The following PRKAR1A variants were observed in gnomAD, a reference collection of about 807,000 sequenced individuals.
PRKAR1A encodes the protein cAMP-dependent protein kinase type I-alpha regulatory subunit.
In PRKAR1A, 3 loss-of-function variants were observed where a neutral mutation model predicts 52.0. That is an observed-to-expected ratio of 0.06 (90% confidence interval 0.03 to 0.15). The LOEUF (loss-of-function observed/expected upper bound fraction) is 0.15, where lower values mean the gene tolerates loss of function less well. Ranked by LOEUF, PRKAR1A falls within the 10% of genes least tolerant of loss-of-function variation. The probability of loss-of-function intolerance (pLI) is 1.00; values close to 1 mark genes in which losing one functional copy is unlikely to be tolerated. For missense variants in PRKAR1A, 240 were observed against 477.4 expected (o/e 0.50, Z 4.63); for synonymous variants, 188 against 168.4 (o/e 1.12, Z -0.90).
the PRKAR1A span, among the ~76,000 whole-genome samples, chr17:68,418,671 T>C: frequency 5.3e-5 from 8 of 152,284 alleles, no homozygotes; most frequent in East Asian, 1.5e-3. Flanking sequence ...CCTCATCATA[T>C]AGTAAAGGAT....
chr17:68,429,017 C>T, the PRKAR1A span: 14 of 1,040,886 alleles, frequency 1.3e-5, no homozygotes, highest in Non-Finnish European at 2.0e-5. Context: ...GCCCCCCTCA[C>T]CCTAGCTGTC....
At chr17:68,466,167 C>T in the PRKAR1A span, among the ~76,000 whole-genome samples, 1 of 152,192 alleles carries the variant, frequency 6.6e-6, no homozygotes, top group Non-Finnish European at 1.5e-5. Flanking sequence ...ATAGAACATA[C>T]AGCTCCCTCC....
At chr17:68,540,022 C>T in intron 11 of PRKAR1A, 1 of 1,497,246 alleles carries the variant, frequency 6.7e-7, no homozygotes, top group South Asian at 1.1e-5. Flanking sequence ...ACAGGTGCTC[C>T]TGACCTGAGT....
At chr17:68,435,365 T>C in the PRKAR1A span, among the ~76,000 whole-genome samples, 1 of 152,234 alleles carries the variant, frequency 6.6e-6, no homozygotes, top group Non-Finnish European at 1.5e-5. Flanking sequence ...ACACGTACAT[T>C]TCTTCATAAG....
At chr17:68,463,455 A>G in the PRKAR1A span, among the ~76,000 whole-genome samples, 1,499 of 152,326 alleles carry the variant, frequency 9.8e-3, 23 homozygotes, top group African/African-American at 0.033. Flanking sequence ...TGTGCCGGTC[A>G]TGGCTCCAGG....
At chr17:68,541,041 C>G (rs780564483) in intron 11 of PRKAR1A, 54 of 1,542,088 alleles carry the variant, frequency 3.5e-5, no homozygotes, top group Middle Eastern at 4.6e-4. Context: ...CCCTGCCCCC[C>G]CAATCCCTGC....
chr17:68,517,968 C>T (rs187193308), intron 2 of PRKAR1A, among the ~76,000 whole-genome samples: 14 of 152,266 alleles, frequency 9.2e-5, no homozygotes, highest in Admixed American at 3.9e-4. Context: ...GTATAGACCC[C>T]GTGCAAATCC....
chr17:68,545,047 G>A (rs2086484900), intron 11 of PRKAR1A, among the ~76,000 whole-genome samples: 1 of 152,176 alleles, frequency 6.6e-6, no homozygotes, highest in East Asian at 1.9e-4. Flanking sequence ...ATTTTCCAAA[G>A]TTAAAGTTCT....
the PRKAR1A span, chr17:68,420,551 A>T: frequency 7.0e-7 from 1 of 1,418,474 alleles, no homozygotes; most frequent in Non-Finnish European, 9.8e-7. Flanking sequence ...TTACAAACAC[A>T]CGCTTTAGTT....
At chr17:68,442,721 C>T in the PRKAR1A span, among the ~76,000 whole-genome samples, 13 of 152,212 alleles carry the variant, frequency 8.5e-5, no homozygotes, top group African/African-American at 3.1e-4. Flanking sequence ...ATTCAGGGGC[C>T]TCTCATTCCT....
chr17:68,494,427 C>T, the PRKAR1A span, among the ~76,000 whole-genome samples: 81 of 151,920 alleles, frequency 5.3e-4, 3 homozygotes, highest in Admixed American at 3.8e-3. Context: ...CTGTAATTCC[C>T]GCTACTTGGG....
downstream of PRKAR1A, chr17:68,537,227 C>T (rs944107686): frequency 1.9e-5 from 12 of 644,026 alleles, no homozygotes; most frequent in South Asian, 7.5e-5. This position sits in a 1 kb window ranked among gnomAD's most constrained non-coding sequence, Gnocchi z 4.2. Context: ...CTCAGGAGAT[C>T]GTCGGTGGCC....
chr17:68,440,528 C>T, the PRKAR1A span, among the ~76,000 whole-genome samples: 7 of 152,032 alleles, frequency 4.6e-5, no homozygotes, highest in Admixed American at 3.9e-4. Context: ...ATTCTAAAAC[C>T]CAGAGGCTTT....
At chr17:68,444,540 T>G in the PRKAR1A span, 1 of 1,614,030 alleles carries the variant, frequency 6.2e-7, no homozygotes, top group Non-Finnish European at 8.5e-7. Context: ...CAGCTTCATG[T>G]CTTTAATGTT....
the PRKAR1A span, chr17:68,444,564 G>T: frequency 1.2e-6 from 2 of 1,613,914 alleles, no homozygotes; most frequent in Non-Finnish European, 1.7e-6. Flanking sequence ...AATATAAATG[G>T]ACTCTTCTAG....
the PRKAR1A span, among the ~76,000 whole-genome samples, chr17:68,488,734 C>CAAAAAAAAAAAAAAAAAAAAAAA: frequency 2.3e-5 from 1 of 42,796 alleles, no homozygotes. Flanking sequence ...CATCTCAAAA[C>CAAAAAAAAAAAAAAAAAAAAAAA]AAAAAAAAAA....
the PRKAR1A span, among the ~76,000 whole-genome samples, chr17:68,477,011 A>G: frequency 6.6e-6 from 1 of 152,188 alleles, no homozygotes; most frequent in African/African-American, 2.4e-5. Flanking sequence ...TGAATTCTGC[A>G]GTATATCAAA....
At chr17:68,434,423 G>A in the PRKAR1A span, 1 of 828,512 alleles carries the variant, frequency 1.2e-6, no homozygotes, top group Non-Finnish European at 1.9e-6. Context: ...CAATTACCTG[G>A]GAGAGTAGTT....
intron 2 of PRKAR1A, among the ~76,000 whole-genome samples, chr17:68,519,141 C>A (rs1258056412): frequency 1.3e-5 from 2 of 152,300 alleles, no homozygotes; most frequent in African/African-American, 2.4e-5. Context: ...CCACCCTCTT[C>A]CTGTTACCCA....
Sources: gnomAD v4.1 joint callset for allele counts (sites outside exome capture counted in the v4.1 genomes callset) on GRCh38, gnomAD v4.1.1 for gene constraint, Gnocchi (gnomAD v3.1) non-coding constraint, MANE v1.5 for transcripts, NCBI Gene and HGNC (gene_info 2026-07-23, HGNC 2026-07-21) for gene names.